SLC35F1: variants seen among roughly 807,000 people sequenced by gnomAD.
SLC35F1 encodes the protein chromosome 6 open reading frame 169.
In SLC35F1, 14 loss-of-function variants were observed where a neutral mutation model predicts 48.7. The observed-to-expected ratio is 0.29, with a 90% CI of 0.19 to 0.45. The LOEUF (loss-of-function observed/expected upper bound fraction) is 0.45, where lower values mean the gene tolerates loss of function less well. SLC35F1 is among the 20% of genes least tolerant of loss of function. The pLI, the probability that SLC35F1 is intolerant of heterozygous loss-of-function variation, is 1.00. For missense variants in SLC35F1, 404 were observed against 500.0 expected (o/e 0.81, Z 1.83); for synonymous variants, 190 against 202.2 (o/e 0.94, Z 0.51).
At chr6:118,169,605 C>T (rs7761235) in intron 2 of SLC35F1, among the ~76,000 whole-genome samples, 30,464 of 152,076 alleles carry the variant, frequency 0.2, 3,731 homozygotes, top group South Asian at 0.4. Flanking sequence ...AGCCACCCAT[C>T]GCGTCTTACC....
chr6:118,025,229 T>C (rs1363550041), intron 1 of SLC35F1, among the ~76,000 whole-genome samples: 1 of 152,198 alleles, frequency 6.6e-6, no homozygotes, highest in Non-Finnish European at 1.5e-5. Flanking sequence ...TCTAAGACTT[T>C]ACTTGTTTTT....
chr6:118,159,314 A>G (rs539792020), intron 2 of SLC35F1, among the ~76,000 whole-genome samples: 25 of 151,960 alleles, frequency 1.6e-4, no homozygotes, highest in Non-Finnish European at 2.4e-4. Context: ...ACTCCACCAA[A>G]GTAGTTTTGT....
chr6:118,020,734 C>G (rs1052980487), intron 1 of SLC35F1, among the ~76,000 whole-genome samples: 2 of 152,186 alleles, frequency 1.3e-5, no homozygotes, highest in Non-Finnish European at 2.9e-5. Context: ...AGCATCATGT[C>G]TCTGATTTAA....
chr6:118,276,800 G>T (rs1228254750), intron 5 of SLC35F1, among the ~76,000 whole-genome samples: 1 of 152,150 alleles, frequency 6.6e-6, no homozygotes, highest in Non-Finnish European at 1.5e-5. Flanking sequence ...TCCCTTTGGG[G>T]GACAATGCCA....
chr6:118,234,746 G>C lies in SLC35F1; in HGVS notation c.350-763G>C, dbSNP rs151071060. On this transcript the variant is annotated intron_variant, in intron 2 of 7. Coordinates refer to ENST00000360388, the MANE Select transcript of SLC35F1 (RefSeq NM_001029858.4). ...CTACATCCTCTATGAAGACCCCACAGGTTGGCTACAGAGAATTATTATTGT... is the reference window on the plus strand; with the variant it reads ...CTACATCCTCTATGAAGACCCCACACGTTGGCTACAGAGAATTATTATTGT... Among the ~76,000 whole-genome samples the C allele has an allele frequency of 8.7e-4, 132 of 152,272 alleles. 1 individual carries two copies. The highest frequency in any genetic ancestry group is 3.0e-3 in the African/African-American group (125 of 41,554).
At chr6:118,078,657 A>G (rs1772859644) in intron 1 of SLC35F1, among the ~76,000 whole-genome samples, 1 of 152,234 alleles carries the variant, frequency 6.6e-6, no homozygotes, top group African/African-American at 2.4e-5. Context: ...GACTGGAGGT[A>G]GTTAATTCAG....
chr6:118,301,661 G>A (rs976138032), intron 7 of SLC35F1, among the ~76,000 whole-genome samples: 12 of 152,090 alleles, frequency 7.9e-5, no homozygotes, highest in Admixed American at 5.9e-4. Context: ...ATCTATATTG[G>A]TAGCTATAGA....
At chr6:117,947,985 A>G (rs888253804) in intron 1 of SLC35F1, among the ~76,000 whole-genome samples, 2 of 152,190 alleles carry the variant, frequency 1.3e-5, no homozygotes, top group African/African-American at 4.8e-5. Context: ...AAGACGAGGA[A>G]CCAGCAAAGA....
rs1562354688 is a variant in SLC35F1, at chr6:118,297,644, TATATATATA to T, written c.1002+12320_1002+12328del. 8.0e-4 allele frequency among the ~76,000 whole-genome samples: 70 copies of T among 87,738 alleles called. 3 individuals are homozygous for T. The highest frequency in any genetic ancestry group is 3.7e-3 in the African/African-American group (66 of 17,784). The allele number at this position is 87,738 out of a possible 152,430, so 57.6% of individuals were successfully genotyped here. A position where few individuals can be genotyped will look rare whatever the true frequency, so the allele number is the denominator to read the frequency against. ...AACTTATATATATATATATAAAAAATATATATATAATATATATAATATTATATAAGTTCT... is the reference window on the plus strand; with the variant it reads ...AACTTATATATATATATATAAAAAATATATATATAATATTATATAAGTTCT... On this transcript the variant is annotated intron_variant, in intron 7 of 7. Coordinates refer to ENST00000360388, the MANE Select transcript of SLC35F1 (RefSeq NM_001029858.4).
chr6:118,256,208 GTGTGTGTGTGT>G (rs1562341197), intron 3 of SLC35F1, among the ~76,000 whole-genome samples: 708 of 14,196 alleles, frequency 0.05, 8 homozygotes, highest in African/African-American at 0.058. Context: ...GACTTCTGGT[GTGTGTGTGTGT>G]GTGTGTGTGT....
At chr6:118,199,830 A>G (rs1774850189) in intron 2 of SLC35F1, among the ~76,000 whole-genome samples, 6 of 152,200 alleles carry the variant, frequency 3.9e-5, no homozygotes, top group Admixed American at 3.9e-4. Context: ...AAAAACAAAT[A>G]ATAGCTGTCT....
intron 1 of SLC35F1, among the ~76,000 whole-genome samples, chr6:118,092,202 T>C (rs1349092575): frequency 6.6e-6 from 1 of 152,054 alleles, no homozygotes; most frequent in Non-Finnish European, 1.5e-5. Flanking sequence ...CAGCAGCCCC[T>C]CCCATCACAG....
At chr6:118,155,380 C>T (rs1269524422) in intron 2 of SLC35F1, among the ~76,000 whole-genome samples, 5 of 152,256 alleles carry the variant, frequency 3.3e-5, no homozygotes, top group South Asian at 2.1e-4. Context: ...GTTACTAGGC[C>T]GTGAGGGCTT....
At chr6:118,300,309 A>G (rs1271813956) in intron 7 of SLC35F1, among the ~76,000 whole-genome samples, 2 of 152,206 alleles carry the variant, frequency 1.3e-5, no homozygotes, top group Non-Finnish European at 2.9e-5. Context: ...ATATGCAAAT[A>G]CTACACCATG....
rs373218604 is a variant in SLC35F1 at position 117,998,768 on chromosome 6, T to C, written c.173+90869T>C. Among the ~76,000 whole-genome samples the C allele has an allele frequency of 6.4e-4, 98 of 152,270 alleles. 1 individual carries two copies. In the East Asian group the frequency reaches 0.014, roughly 21 times the overall value. On this transcript the variant is annotated intron_variant, in intron 1 of 7. Coordinates refer to ENST00000360388, the MANE Select transcript of SLC35F1 (RefSeq NM_001029858.4). ...ACAGACCAGAATCTCTGGGACACAT[T>C]CAAAGCAGTGTGTAGAGGGAAATTT... is the stretch of plus-strand genomic sequence containing the variant.
rs761797593 is a variant in SLC35F1 at position 118,283,291 on chromosome 6, C to T, written c.848-1893C>T. Among the ~76,000 whole-genome samples the T allele has an allele frequency of 4.6e-5, 7 of 152,194 alleles. No homozygotes were observed. The East Asian group carries it at 1.2e-3, about 25-fold the overall frequency. On this transcript the variant is annotated intron_variant, in intron 6 of 7. Transcript: ENST00000360388. Reference sequence around the variant, plus strand: ...ATGCCACCTCCACAAAGTAGCCCTACCTCACCACCCTGTCTAAAGCAAGCT... The same window carrying T: ...ATGCCACCTCCACAAAGTAGCCCTATCTCACCACCCTGTCTAAAGCAAGCT...
At chr6:118,278,212 A>G (rs1306815624) in intron 6 of SLC35F1, among the ~76,000 whole-genome samples, 4 of 152,218 alleles carry the variant, frequency 2.6e-5, no homozygotes, top group Non-Finnish European at 4.4e-5. Context: ...AAGCCCTAAA[A>G]GGGACTGACA....
intron 4 of SLC35F1, among the ~76,000 whole-genome samples, chr6:118,267,943 T>C: frequency 6.6e-6 from 1 of 152,076 alleles, no homozygotes; most frequent in East Asian, 1.9e-4. Flanking sequence ...AAAAATGACC[T>C]TCTTTGTTAA....
intron 1 of SLC35F1, among the ~76,000 whole-genome samples, chr6:117,976,021 G>A (rs945333048): frequency 6.6e-6 from 1 of 152,140 alleles, no homozygotes; most frequent in Admixed American, 6.5e-5. Flanking sequence ...TTTAAGACAA[G>A]CTGTAAATCT....
Sources: gnomAD v4.1 joint callset for allele counts (sites outside exome capture counted in the v4.1 genomes callset) on GRCh38, gnomAD v4.1.1 for gene constraint, MANE v1.5 for transcripts, NCBI Gene and HGNC (gene_info 2026-07-23, HGNC 2026-07-21) for gene names.